Variants in SLC39A11 observed in about 807,000 individuals in gnomAD.
SLC39A11 encodes zinc transporter ZIP11.
SLC39A11 carries 33 observed loss-of-function variants against 36.1 expected under a neutral mutation model. The observed-to-expected ratio is 0.91, with a 90% confidence interval of 0.69 to 1.22. The LOEUF (loss-of-function observed/expected upper bound fraction) is 1.22. SLC39A11 is among the 50% of genes most tolerant of loss of function. The probability of loss-of-function intolerance (pLI) is 0.00; values close to 1 mark genes in which losing one functional copy is unlikely to be tolerated. For missense variants in SLC39A11, 432 were observed against 430.3 expected (o/e 1.00, Z -0.03); for synonymous variants, 166 against 170.3 (o/e 0.97, Z 0.20).
At chr17:72,889,365 A>G (rs1032737208) in intron 5 of SLC39A11, among the ~76,000 whole-genome samples, 2 of 152,062 alleles carry the variant, frequency 1.3e-5, no homozygotes, top group Non-Finnish European at 2.9e-5. Flanking sequence ...AAATACAAAA[A>G]TCAGCTGGGC....
chr17:72,907,209 G>A (rs757062148), intron 5 of SLC39A11, among the ~76,000 whole-genome samples: 8 of 152,202 alleles, frequency 5.3e-5, no homozygotes, highest in Non-Finnish European at 8.8e-5. Context: ...TGAGTCACGC[G>A]CTGGGTGCGG....
chr17:72,946,274 G>C (rs2085424652), intron 5 of SLC39A11, among the ~76,000 whole-genome samples: 1 of 152,214 alleles, frequency 6.6e-6, no homozygotes, highest in Non-Finnish European at 1.5e-5. Context: ...TATGATTTAA[G>C]CTCACATTGG....
At position 72,702,636 on chromosome 17, in the gene SLC39A11, A is replaced by C. The variant is rs75704309; in HGVS notation, c.671+34014T>G. On this transcript the variant is annotated intron_variant, in intron 7 of 9. Transcript: ENST00000255559. ...GTATGGGAATTCCTCTTTTCCAGGG[A>C]ATTTTAAGAGTGGATTCCAGCCAGG... Among the ~76,000 whole-genome samples the C allele has an allele frequency of 7.8e-3, 1,192 of 152,140 alleles. 15 individuals are homozygous for C. Among genetic ancestry groups the C allele is most frequent in the African/African-American group, 0.028 (1,147 of 41,476 alleles).
chr17:72,833,736 G>A (rs1469185496), intron 6 of SLC39A11, among the ~76,000 whole-genome samples: 1 of 152,088 alleles, frequency 6.6e-6, no homozygotes, highest in Non-Finnish European at 1.5e-5. Flanking sequence ...ACAAGATGAT[G>A]AGCTACTATT....
At chr17:72,872,189 T>C (rs1028636221) in intron 5 of SLC39A11, among the ~76,000 whole-genome samples, 2 of 151,644 alleles carry the variant, frequency 1.3e-5, no homozygotes, top group African/African-American at 4.9e-5. Flanking sequence ...GTCCCAGGAG[T>C]GGAGGGAGTT....
At chr17:72,951,224 T>C (rs889558270) in intron 4 of SLC39A11, among the ~76,000 whole-genome samples, 34 of 140,214 alleles carry the variant, frequency 2.4e-4, no homozygotes, top group Non-Finnish European at 4.3e-4. Context: ...ATCACACTAC[T>C]GCACTCCAGC....
At chr17:73,082,560 A>G (rs1026696835) in intron 3 of SLC39A11, among the ~76,000 whole-genome samples, 1 of 152,282 alleles carries the variant, frequency 6.6e-6, no homozygotes, top group African/African-American at 2.4e-5. Context: ...GGGGAAAAAA[A>G]GAGATGTTGT....
intron 6 of SLC39A11, among the ~76,000 whole-genome samples, chr17:72,825,724 A>T (rs1279059702): frequency 1.3e-5 from 2 of 152,346 alleles, no homozygotes; most frequent in East Asian, 3.9e-4. Context: ...ACTGGATGTG[A>T]GACATGGAGT....
chr17:72,788,386 C>T (rs575916665), intron 6 of SLC39A11, among the ~76,000 whole-genome samples: 8 of 152,306 alleles, frequency 5.3e-5, no homozygotes, highest in African/African-American at 1.9e-4. Context: ...AATGACATGA[C>T]ATTAGCATCT....
chr17:72,802,905 C>T (rs1281256689), intron 6 of SLC39A11, among the ~76,000 whole-genome samples: 2 of 152,206 alleles, frequency 1.3e-5, no homozygotes, highest in Non-Finnish European at 1.5e-5. Flanking sequence ...CTGGGAGCCA[C>T]CTTCAGGCTG....
At chr17:72,938,257 G>A (rs895786884) in intron 5 of SLC39A11, among the ~76,000 whole-genome samples, 3 of 152,166 alleles carry the variant, frequency 2.0e-5, no homozygotes, top group African/African-American at 7.2e-5. Context: ...CAGGTCGAGT[G>A]GAGCATATCC....
intron 4 of SLC39A11, among the ~76,000 whole-genome samples, chr17:73,014,287 A>C (rs1012966948): frequency 2.0e-5 from 3 of 152,172 alleles, no homozygotes; most frequent in Non-Finnish European, 4.4e-5. Context: ...TGCTGGGAAC[A>C]TTCAGTTCTC....
chr17:72,732,042 T>A (rs2074247368), intron 7 of SLC39A11, among the ~76,000 whole-genome samples: 1 of 79,212 alleles, frequency 1.3e-5, no homozygotes, highest in South Asian at 4.7e-4. Flanking sequence ...TTTCTTTTCT[T>A]TTTTTTTTTT....
intron 5 of SLC39A11, among the ~76,000 whole-genome samples, chr17:72,912,159 A>G (rs1324786386): frequency 6.6e-6 from 1 of 152,122 alleles, no homozygotes; most frequent in Non-Finnish European, 1.5e-5. Flanking sequence ...TGGTTTTTCT[A>G]GCTAATAAAT....
intron 7 of SLC39A11, among the ~76,000 whole-genome samples, chr17:72,667,392 A>T (rs751735610): frequency 6.6e-6 from 1 of 152,194 alleles, no homozygotes; most frequent in Non-Finnish European, 1.5e-5. Context: ...CAAGAAAAGG[A>T]ACAAAAGAGA....
chr17:72,798,682 G>A (rs1354478920), intron 6 of SLC39A11, among the ~76,000 whole-genome samples: 3 of 151,858 alleles, frequency 2.0e-5, no homozygotes, highest in Non-Finnish European at 2.9e-5. Context: ...ACCACACCCA[G>A]CCTGTCCCAC....
intron 7 of SLC39A11, among the ~76,000 whole-genome samples, chr17:72,692,497 T>C (rs3859278): frequency 0.39 from 59,335 of 152,002 alleles, 11,806 homozygotes; most frequent in Admixed American, 0.51. Flanking sequence ...ACTTCTTACA[T>C]GGTGGCAGCA....
intron 3 of SLC39A11, among the ~76,000 whole-genome samples, chr17:73,055,154 T>C (rs890925434): frequency 6.6e-5 from 10 of 152,210 alleles, no homozygotes; most frequent in African/African-American, 2.4e-4. Flanking sequence ...GGCTGCTGGC[T>C]GTCTCTGGAA....
At chr17:73,009,691 C>A (rs2090404065) in intron 4 of SLC39A11, among the ~76,000 whole-genome samples, 1 of 152,006 alleles carries the variant, frequency 6.6e-6, no homozygotes, top group Admixed American at 6.6e-5. Flanking sequence ...TGAAGTGTTC[C>A]ATTTAAAATT....
Sources: allele counts gnomAD v4.1 joint callset (sites outside exome capture counted in the v4.1 genomes callset), GRCh38; gene constraint gnomAD v4.1.1; transcripts MANE v1.5; gene names NCBI Gene and HGNC (gene_info 2026-07-23, HGNC 2026-07-21).